Variants in PARD3B observed in about 807,000 individuals in gnomAD.
PARD3B encodes par-3 family cell polarity regulator beta, also known as partitioning defective 3 homolog B.
In PARD3B, 103 loss-of-function variants were observed where a neutral mutation model predicts 130.2. The ratio of observed to expected loss-of-function variants is 0.79; its 90% CI spans 0.67 to 0.93. The LOEUF (loss-of-function observed/expected upper bound fraction) is 0.93. Among genes scored for constraint, PARD3B ranks in the 40% least tolerant of loss-of-function variants. PARD3B has a pLI of 0.00. For synonymous variants in PARD3B, 583 were observed against 553.2 expected (o/e 1.05, Z -0.76); for missense variants, 1,609 against 1,499.2 (o/e 1.07, Z -1.21).
chr2:205,383,986 G>A (rs2045573930), intron 18 of PARD3B, among the ~76,000 whole-genome samples: 1 of 151,940 alleles, frequency 6.6e-6, no homozygotes, highest in African/African-American at 2.4e-5. Flanking sequence ...ATGCTTATTG[G>A]ATTGCTCCTT....
intron 11 of PARD3B, among the ~76,000 whole-genome samples, chr2:205,167,076 G>A (rs2034860770): frequency 6.6e-6 from 1 of 152,064 alleles, no homozygotes; most frequent in Admixed American, 6.5e-5. Context: ...CTTTTCCTCT[G>A]TATTCATTAG....
intron 21 of PARD3B, among the ~76,000 whole-genome samples, chr2:205,537,395 CTT>C: frequency 6.6e-6 from 1 of 152,234 alleles, no homozygotes; most frequent in Non-Finnish European, 1.5e-5. Flanking sequence ...GTTTCTTTTT[CTT>C]TTTTTCTCTG....
chr2:205,059,687 C>T (rs1237989810), intron 4 of PARD3B, among the ~76,000 whole-genome samples: 6 of 152,090 alleles, frequency 3.9e-5, no homozygotes, highest in Non-Finnish European at 8.8e-5. Context: ...TAGAACACGG[C>T]ATCATGCCCA....
rs556127243 is a variant in PARD3B, at chr2:204,801,276, C to G, written c.222+114994C>G. On this transcript the variant is annotated intron_variant, in intron 2 of 22. Transcript: ENST00000406610. ...AAAGTCAGTCGTAGCTTGATGGGGA[C>G]AGCATTGAATCTATAAATTACTTTG... is the stretch of plus-strand genomic sequence containing the variant. 3.3e-5 allele frequency among the ~76,000 whole-genome samples: 5 copies of G among 152,140 alleles called. No individual in the cohort carries two copies. In the South Asian group the frequency reaches 1.0e-3, roughly 32 times the overall value.
chr2:205,017,314 A>G (rs1378077452), intron 3 of PARD3B, among the ~76,000 whole-genome samples: 1 of 152,178 alleles, frequency 6.6e-6, no homozygotes, highest in Non-Finnish European at 1.5e-5. Context: ...TCAGAAAAAT[A>G]TATAATTCAG....
At chr2:205,491,427 G>A (rs1401794474) in intron 20 of PARD3B, among the ~76,000 whole-genome samples, 1 of 152,094 alleles carries the variant, frequency 6.6e-6, no homozygotes, top group East Asian at 1.9e-4. Flanking sequence ...TAGATATGCA[G>A]CATTATTTCT....
chr2:205,224,413 GA>G (rs979076835), intron 15 of PARD3B, among the ~76,000 whole-genome samples: 31 of 122,748 alleles, frequency 2.5e-4, no homozygotes, highest in Non-Finnish European at 3.7e-4. Flanking sequence ...AAAAGAAAAA[GA>G]AAAAAAAAGT....
At chr2:205,601,911 T>C (rs1055418067) in intron 22 of PARD3B, among the ~76,000 whole-genome samples, 3 of 152,074 alleles carry the variant, frequency 2.0e-5, no homozygotes, top group Admixed American at 6.5e-5. Context: ...TCCAATACTG[T>C]GTTGAATAGG....
intron 2 of PARD3B, among the ~76,000 whole-genome samples, chr2:204,959,068 T>C (rs1690523874): frequency 6.6e-6 from 1 of 152,130 alleles, no homozygotes; most frequent in South Asian, 2.1e-4. Context: ...TATCAACCCA[T>C]CATCTAGGCT....
chr2:204,555,466 G>A (rs1457014500), intron 1 of PARD3B, among the ~76,000 whole-genome samples: 1 of 152,156 alleles, frequency 6.6e-6, no homozygotes, highest in African/African-American at 2.4e-5. Flanking sequence ...GCCGAGGCAG[G>A]AGAATTGCAT....
intron 15 of PARD3B, among the ~76,000 whole-genome samples, chr2:205,228,190 C>T (rs920074644): frequency 6.6e-6 from 1 of 152,152 alleles, no homozygotes; most frequent in Non-Finnish European, 1.5e-5. Context: ...CTTAACATTA[C>T]TAGTGAGTTT....
chr2:205,055,460 A>C (rs1320151451), intron 4 of PARD3B, among the ~76,000 whole-genome samples: 3 of 152,224 alleles, frequency 2.0e-5, no homozygotes, highest in Non-Finnish European at 4.4e-5. Flanking sequence ...ATATGGGCAG[A>C]TGTAATTTGA....
chr2:205,440,311 T>G lies in PARD3B; in HGVS notation c.2742-59T>G. The G allele has an allele frequency of 6.7e-7, 1 of 1,494,840 alleles. No homozygotes were observed. Among genetic ancestry groups the G allele is most frequent in the Non-Finnish European group, 9.2e-7 (1 of 1,084,586 alleles). 92.6% of individuals were successfully genotyped at this position (1,494,840 alleles called of 1,614,324 possible). On this transcript the variant is annotated intron_variant, in intron 19 of 22. Coordinates refer to ENST00000406610, the MANE Select transcript of PARD3B (RefSeq NM_001302769.2). This position sits in a 1 kb window ranked among gnomAD's most constrained non-coding sequence, Gnocchi z 4.2. ...GTTAACATAAATTCAAGAGAGTATTTCATTGTATTATTATATGAAACTCAC... is the reference window on the plus strand; with the variant it reads ...GTTAACATAAATTCAAGAGAGTATTGCATTGTATTATTATATGAAACTCAC...
rs1177357753 is a variant in PARD3B at position 204,686,183 on chromosome 2, T to A, written c.123T>A (p.Gly41=). 2 of 1,601,688 alleles carry A rather than the reference T, an allele frequency of 1.2e-6. No homozygotes were observed. Among genetic ancestry groups the A allele is most frequent in the Non-Finnish European group, 1.7e-6 (2 of 1,168,998 alleles). The change falls in exon 2 of 23, where the codon GGT becomes GGA. Residue 41 remains glycine, a splice_region_variant and synonymous_variant. Transcript: ENST00000406610. ...LQRYLKTREK[G]PGYWVKIHHL... ...AACTTGTGTTTGTTCTACTATAGGG[T>A]CCTGGTTACTGGGTGAAGATTCATC...
intron 2 of PARD3B, among the ~76,000 whole-genome samples, chr2:204,765,214 A>G (rs1574927733): frequency 6.6e-6 from 1 of 152,216 alleles, no homozygotes; most frequent in African/African-American, 2.4e-5. Context: ...TGGTTGCCAG[A>G]CCAGCATCAG....
At chr2:204,719,392 A>G (rs754012989) in intron 2 of PARD3B, among the ~76,000 whole-genome samples, 11 of 152,198 alleles carry the variant, frequency 7.2e-5, no homozygotes, top group Non-Finnish European at 1.2e-4. Context: ...ATTAAAGTTG[A>G]TATTTGAATA....
chr2:205,442,831 T>C (rs999528868), intron 20 of PARD3B, among the ~76,000 whole-genome samples: 3 of 152,194 alleles, frequency 2.0e-5, no homozygotes, highest in Non-Finnish European at 4.4e-5. Flanking sequence ...GCAGCCACTA[T>C]AAAATGATAT....
chr2:205,418,107 A>C (rs75310105), intron 19 of PARD3B, among the ~76,000 whole-genome samples: 4,071 of 152,294 alleles, frequency 0.027, 76 homozygotes, highest in Middle Eastern at 0.061. Context: ...GCTTATAAGA[A>C]AAATGTGTAT....
intron 2 of PARD3B, among the ~76,000 whole-genome samples, chr2:204,817,457 A>G (rs555323773): frequency 6.6e-6 from 1 of 152,268 alleles, no homozygotes; most frequent in Non-Finnish European, 1.5e-5. Flanking sequence ...TACTGAGCCA[A>G]TACCCTTCTG....
Sources: allele counts gnomAD v4.1 joint callset (sites outside exome capture counted in the v4.1 genomes callset), GRCh38; gene constraint gnomAD v4.1.1; non-coding constraint Gnocchi (gnomAD v3.1); transcripts MANE v1.5; gene names NCBI Gene and HGNC (gene_info 2026-07-23, HGNC 2026-07-21).